Variants in MGAT5 observed in about 807,000 individuals in gnomAD.
The protein encoded by MGAT5 is alpha-1,6-mannosylglycoprotein 6-beta-N-acetylglucosaminyltransferase A.
In MGAT5, 30 loss-of-function variants were observed where a neutral mutation model predicts 94.3. That is an observed-to-expected ratio of 0.32 (90% CI 0.24 to 0.43). The LOEUF (loss-of-function observed/expected upper bound fraction) is 0.43, where lower values mean the gene tolerates loss of function less well. Ranked by LOEUF, MGAT5 falls within the 20% of genes least tolerant of loss-of-function variation. The pLI is 1.00. For synonymous variants in MGAT5, 310 were observed against 322.9 expected (o/e 0.96, Z 0.43); for missense variants, 691 against 905.5 (o/e 0.76, Z 3.04).
chr2:134,255,345 G>A (rs965981739), intron 1 of MGAT5, among the ~76,000 whole-genome samples: 2 of 151,766 alleles, frequency 1.3e-5, no homozygotes, highest in African/African-American at 4.8e-5. Context: ...AAAGTTGGAA[G>A]CTGTAGACAA....
intron 10 of MGAT5, among the ~76,000 whole-genome samples, chr2:134,400,148 C>T (rs114217641): frequency 0.015 from 2,221 of 152,192 alleles, 40 homozygotes; most frequent in African/African-American, 0.05. Flanking sequence ...GGGACAGAAC[C>T]ACAGGTGCAA....
intron 2 of MGAT5, among the ~76,000 whole-genome samples, chr2:134,304,023 A>G (rs187600809): frequency 6.6e-6 from 1 of 152,180 alleles, no homozygotes; most frequent in African/African-American, 2.4e-5. Context: ...TATCTGTGGG[A>G]AGATTGTTCC....
At chr2:134,339,475 A>C (rs1688510478) in intron 6 of MGAT5, among the ~76,000 whole-genome samples, 1 of 152,040 alleles carries the variant, frequency 6.6e-6, no homozygotes, top group Non-Finnish European at 1.5e-5. Flanking sequence ...TGATAAACTA[A>C]AATTAAAAAT....
At chr2:134,288,757 G>A (rs895883981) in intron 2 of MGAT5, among the ~76,000 whole-genome samples, 3 of 152,016 alleles carry the variant, frequency 2.0e-5, no homozygotes, top group Admixed American at 6.6e-5. Context: ...GAATTCCCCC[G>A]ATAACTGGTT....
At chr2:134,249,831 G>A (rs79381080), upstream of MGAT5, among the ~76,000 whole-genome samples, 11 of 152,222 alleles carry the variant, frequency 7.2e-5, no homozygotes, top group African/African-American at 2.7e-4. Flanking sequence ...ACTATTTGAG[G>A]TACTGCCAGA....
At chr2:134,435,824 A>T (rs900156121) in intron 14 of MGAT5, among the ~76,000 whole-genome samples, 2 of 152,240 alleles carry the variant, frequency 1.3e-5, no homozygotes, top group Non-Finnish European at 2.9e-5. Context: ...TAAGGAGATA[A>T]GGCAAGTTGG....
chr2:134,158,065 C>T (rs1359877223), intron 1 of MGAT5, among the ~76,000 whole-genome samples: 6 of 152,184 alleles, frequency 3.9e-5, no homozygotes, highest in South Asian at 2.1e-4. Flanking sequence ...AGGAAGGAAG[C>T]GTGTGCTGAT....
chr2:134,305,096 C>G (rs781142894), intron 2 of MGAT5, among the ~76,000 whole-genome samples: 3 of 110,640 alleles, frequency 2.7e-5, no homozygotes, highest in Non-Finnish European at 6.4e-5. Context: ...TATACATTCT[C>G]TCTGTCCTAC....
intron 1 of MGAT5, among the ~76,000 whole-genome samples, chr2:134,238,089 T>A (rs1026766105): frequency 6.6e-6 from 1 of 152,076 alleles, no homozygotes; most frequent in Non-Finnish European, 1.5e-5. Flanking sequence ...TTTATTCATT[T>A]CATAAGTTTG....
chr2:134,179,844 G>A (rs1688652852), intron 1 of MGAT5, among the ~76,000 whole-genome samples: 1 of 152,168 alleles, frequency 6.6e-6, no homozygotes, highest in Non-Finnish European at 1.5e-5. Context: ...GATGAGGTAG[G>A]AGGTTGGCAC....
chr2:134,279,878 C>T lies in MGAT5; in HGVS notation c.406+9328C>T, dbSNP rs568613284. Among the ~76,000 whole-genome samples the T allele has an allele frequency of 6.6e-5, 10 of 152,302 alleles. No individual in the cohort carries two copies. The South Asian group carries it at 1.9e-3, about 28-fold the overall frequency. On this transcript the variant is annotated intron_variant, in intron 2 of 15. Transcript: ENST00000281923. ...AGTCCCTTGTCTGTGCTGTTTCATC[C>T]TTTACCTGTTTTCACTGACAAGTAT...
chr2:134,322,249 A>T (rs1418606838), intron 4 of MGAT5, among the ~76,000 whole-genome samples: 11 of 152,166 alleles, frequency 7.2e-5, no homozygotes, highest in Admixed American at 6.5e-4. Context: ...TATATGTGGG[A>T]ACATTGTTCC....
intron 5 of MGAT5, among the ~76,000 whole-genome samples, chr2:134,337,359 C>G (rs181120732): frequency 6.6e-6 from 1 of 152,256 alleles, no homozygotes; most frequent in East Asian, 1.9e-4. Context: ...CCTATAGTTT[C>G]AGCTACTTGG....
intron 1 of MGAT5, among the ~76,000 whole-genome samples, chr2:134,182,446 T>C (rs1301701356): frequency 6.6e-6 from 1 of 152,230 alleles, no homozygotes; most frequent in East Asian, 1.9e-4. Context: ...TTCTGACCCA[T>C]GATGGTCTTT....
chr2:134,275,299 T>C (rs745620713), intron 2 of MGAT5, among the ~76,000 whole-genome samples: 1 of 152,230 alleles, frequency 6.6e-6, no homozygotes. Flanking sequence ...TGTTTTGTTA[T>C]TTGCAATGGT....
chr2:134,407,395 CCCT>C (rs1337800456), intron 11 of MGAT5, among the ~76,000 whole-genome samples: 1 of 151,960 alleles, frequency 6.6e-6, no homozygotes, highest in Non-Finnish European at 1.5e-5. Flanking sequence ...ATGCCTCCTT[CCCT>C]CCCCCTTATC....
At chr2:134,245,372 G>A (rs1682193716) in intron 1 of MGAT5, among the ~76,000 whole-genome samples, 1 of 152,158 alleles carries the variant, frequency 6.6e-6, no homozygotes, top group African/African-American at 2.4e-5. Context: ...TCTCAACTGT[G>A]AATATCGTAT....
At chr2:134,424,793 C>T (rs914511186) in intron 13 of MGAT5, among the ~76,000 whole-genome samples, 2 of 152,248 alleles carry the variant, frequency 1.3e-5, no homozygotes, top group African/African-American at 2.4e-5. Context: ...TTGCCTCTTT[C>T]AGCTTCTGGT....
Position 134,349,817 on chromosome 2 carries a change from A to G in MGAT5, c.1125A>G (p.Arg375=), listed in dbSNP as rs754950531. Residue 375 remains arginine, a synonymous_variant, in exon 9 of 16, where the codon CGA becomes CGG. Transcript: ENST00000281923. The stretch of plus-strand genomic sequence containing the variant: ...TTTTTTCTTTCAGGTGCATGCTCCG[A>G]GTCCTTGATTCATTTGGTACTGAAC... ...PSWVHYQCML[R]VLDSFGTEPE... 17 of 1,613,418 alleles carry G rather than the reference A, an allele frequency of 1.1e-5. No individual in the cohort carries two copies. Among genetic ancestry groups the G allele is most frequent in the Admixed American group, 1.7e-5 (1 of 59,960 alleles).
Sources: gnomAD v4.1 joint callset for allele counts (sites outside exome capture counted in the v4.1 genomes callset) on GRCh38, gnomAD v4.1.1 for gene constraint, MANE v1.5 for transcripts, NCBI Gene and HGNC (gene_info 2026-07-23, HGNC 2026-07-21) for gene names.